The following RPL21 variants were observed in gnomAD, a reference collection of about 807,000 sequenced individuals.
The protein encoded by RPL21 is ribosomal protein L21, also known as large ribosomal subunit protein eL21.
In RPL21, 1 loss-of-function variant was observed where a neutral mutation model predicts 21.2. The observed-to-expected ratio is 0.05, with a 90% confidence interval of 0.02 to 0.22. RPL21 has a LOEUF of 0.22. Ranked by LOEUF, RPL21 falls within the 10% of genes least tolerant of loss-of-function variation. The pLI, the probability that RPL21 is intolerant of heterozygous loss-of-function variation, is 1.00. For missense variants in RPL21, 113 were observed against 199.4 expected, an observed-to-expected ratio of 0.57 and a Z score of 2.61; for synonymous variants, 52 against 62.9, an observed-to-expected ratio of 0.83 and a Z score of 0.82.
intron 3 of RPL21, 23 bp from the exon 4 acceptor site, chr13:27,255,219 T>A (rs780232683): frequency 1.1e-6 from 1 of 901,728 alleles, no homozygotes; most frequent in Non-Finnish European, 1.9e-6. Flanking sequence ...AATGCTGGTA[T>A]ATAACATTGG....
At chr13:27,253,242 C>T (rs1555248480) in intron 1 of RPL21, among the ~76,000 whole-genome samples, 1 of 152,198 alleles carries the variant, frequency 6.6e-6, no homozygotes, top group Non-Finnish European at 1.5e-5. Context: ...CTCTTCTACC[C>T]TATATACGTT....
chr13:27,254,391 G>GTTTTTTTTTT, intron 3 of RPL21, 110 bp downstream of exon 3: 1 of 164,422 alleles, frequency 6.1e-6, no homozygotes, highest in Non-Finnish European at 1.0e-5. Context: ...GTATAGAATG[G>GTTTTTTTTTT]ATTTTTTTTT....
At chr13:27,253,670 A>G in intron 1 of RPL21, 95 bp from the exon 2 acceptor site, 1 of 741,414 alleles carries the variant, frequency 1.3e-6, no homozygotes, top group South Asian at 1.4e-5. Context: ...TGCAGTTCTC[A>G]CTTCGCTACT....
At chr13:27,253,671 C>T in intron 1 of RPL21, 94 bp from the exon 2 acceptor site, 2 of 745,852 alleles carry the variant, frequency 2.7e-6, no homozygotes, top group Non-Finnish European at 4.9e-6. Context: ...GCAGTTCTCA[C>T]TTCGCTACTG....
chr13:27,256,037 A>G, intron 4 of RPL21, 147 bp from the exon 5 acceptor site: 1 of 678,450 alleles, frequency 1.5e-6, no homozygotes, highest in Non-Finnish European at 2.6e-6. Context: ...TTGATTGTAA[A>G]TTAAGTAATC....
chr13:27,253,933 C>T (rs1881765689), intron 2 of RPL21, 90 bp downstream of exon 2: 1 of 832,262 alleles, frequency 1.2e-6, no homozygotes, highest in Non-Finnish European at 2.1e-6. Flanking sequence ...GAATGTGTAT[C>T]AATAGAATTA....
At chr13:27,255,546 A>G (rs1161345317) in intron 4 of RPL21, 192 bp downstream of exon 4, 3 of 747,278 alleles carry the variant, frequency 4.0e-6, no homozygotes, top group South Asian at 1.4e-5. Context: ...TTTACTGGAA[A>G]GTCTTACACA....
At chr13:27,255,012 A>G in intron 3 of RPL21, 2 of 712,076 alleles carry the variant, frequency 2.8e-6, no homozygotes, top group South Asian at 2.8e-5. Context: ...AAACCCTCCT[A>G]GTGAAAGCTG....
chr13:27,255,954 A>T, intron 4 of RPL21: 1 of 508,902 alleles, frequency 2.0e-6, no homozygotes. Context: ...ACTAGAGTTT[A>T]AGAGACCATC....
At position 27,256,473 on chromosome 13, in the gene RPL21, A is replaced by G. The variant is rs371153089; in HGVS notation, c.431A>G (p.Asn144Ser). 116 of 1,571,798 alleles carry G rather than the reference A, an allele frequency of 7.4e-5. 1 individual carries two copies. Among genetic ancestry groups the G allele is most frequent in the South Asian group, 2.7e-4 (24 of 90,118 alleles). Reference sequence around the variant, plus strand: ...AGAGAAGCACACTTTGTGAGAACCAATGGGAAGGAGCCTGAGCTGCTGGAA... The same window carrying G: ...AGAGAAGCACACTTTGTGAGAACCAGTGGGAAGGAGCCTGAGCTGCTGGAA... Reference protein sequence around the residue: ...PPREAHFVRTNGKEPELLEPI... With the variant: ...PPREAHFVRTSGKEPELLEPI... The change falls in exon 6 of 6, where the codon AAT becomes AGT. Residue 144 changes from asparagine (N) to serine (S), a missense_variant. By Grantham distance (46) the Asn-to-Ser change is conservative. Transcript: ENST00000311549.
rs914943436 is a variant in RPL21, at chr13:27,255,269, C to T, written c.157C>T (p.Pro53Ser). 7 of 1,428,934 alleles carry T rather than the reference C, an allele frequency of 4.9e-6. No individual in the cohort carries two copies. The highest frequency in any genetic ancestry group is 6.9e-6 in the Non-Finnish European group (7 of 1,011,152). The allele number at this position is 1,428,934 out of a possible 1,614,324, so 88.5% of individuals were successfully genotyped here. Residue 53 changes from proline to serine, a missense_variant, in exon 4 of 6, where the codon CCC becomes TCC. Transcript: ENST00000311549. ...AATGGGTACTGTTCAAAAAGGAATG[C>T]CCCACAAGTGTTACCATGGCAAAAC... is the stretch of plus-strand genomic sequence containing the variant. ...KGMGTVQKGM[P>S]HKCYHGKTGR...
At position 27,255,310 on chromosome 13, in the gene RPL21, T is replaced by C; in HGVS notation, c.198T>C (p.Asn66=). The change falls in exon 4 of 6, where the codon AAT becomes AAC. Residue 66 remains asparagine, a synonymous_variant. Transcript: ENST00000311549. The part of the protein sequence containing the change: ...CYHGKTGRVY[N]VTQHAVGIVV... Reference sequence around the variant, plus strand: ...ATGGCAAAACTGGAAGAGTCTACAATGTTACCCAGCATGCTGTTGGCATTG... The same window carrying C: ...ATGGCAAAACTGGAAGAGTCTACAACGTTACCCAGCATGCTGTTGGCATTG... The C allele has an allele frequency of 6.7e-7, 1 of 1,486,252 alleles. No individual in the cohort carries two copies. The allele number at this position is 1,486,252 out of a possible 1,614,324, so 92.1% of individuals were successfully genotyped here. A position where few individuals can be genotyped will look rare whatever the true frequency, so the allele number is the denominator to read the frequency against.
At chr13:27,252,169 G>A (rs1200372879) in intron 1 of RPL21, among the ~76,000 whole-genome samples, 1 of 152,174 alleles carries the variant, frequency 6.6e-6, no homozygotes, top group Non-Finnish European at 1.5e-5. Flanking sequence ...ACTGCCCTTA[G>A]TTAATGCATA....
At chr13:27,255,570 C>T (rs751740283) in intron 4 of RPL21, 4 of 720,510 alleles carry the variant, frequency 5.6e-6, no homozygotes, top group Admixed American at 1.7e-5. Context: ...AGTTACTAAG[C>T]GGTTTGTTTG....
rs1451596509 is a variant in RPL21, at chr13:27,255,322, T to C, written c.210T>C (p.His70=). The change falls in exon 4 of 6, where the codon CAT becomes CAC. Residue 70 remains histidine, a synonymous_variant. Coordinates refer to ENST00000311549, the MANE Select transcript of RPL21 (RefSeq NM_000982.4). Reference sequence around the variant, plus strand: ...GAAGAGTCTACAATGTTACCCAGCATGCTGTTGGCATTGTTGTAAACAAAC... The same window carrying C: ...GAAGAGTCTACAATGTTACCCAGCACGCTGTTGGCATTGTTGTAAACAAAC... ...KTGRVYNVTQ[H]AVGIVVNKQV... 3.5e-6 allele frequency: 5 copies of C among 1,440,308 alleles called. No homozygotes were observed. The highest frequency in any genetic ancestry group is 4.9e-6 in the Non-Finnish European group (5 of 1,021,498). 89.2% of individuals were successfully genotyped at this position (1,440,308 alleles called of 1,614,324 possible).
At chr13:27,253,569 T>C in intron 1 of RPL21, 196 bp from the exon 2 acceptor site, 1 of 525,934 alleles carries the variant, frequency 1.9e-6, no homozygotes, top group Non-Finnish European at 3.5e-6. Flanking sequence ...TTATAGAACT[T>C]GGGCAGTTTT....
intron 3 of RPL21, chr13:27,254,527 T>C: frequency 2.0e-6 from 1 of 495,046 alleles, no homozygotes; most frequent in East Asian, 3.6e-5. Flanking sequence ...CCCAAATAGC[T>C]GGGATTACAG....
rs1043840048 is a variant in RPL21, at chr13:27,256,180, C to T, written c.243-4C>T. 15 of 1,588,668 alleles carry T rather than the reference C, an allele frequency of 9.4e-6. No homozygotes were observed. The highest frequency in any genetic ancestry group is 1.3e-5 in the Non-Finnish European group (15 of 1,164,966). On this transcript the variant is annotated splice_region_variant and splice_polypyrimidine_tract_variant and intron_variant, in intron 4 of 5. Coordinates refer to ENST00000311549, the MANE Select transcript of RPL21 (RefSeq NM_000982.4). ...GCACTTAAAAGAATTTCTGCTCTGT[C>T]CAGGGGCAAGATTCTTGCCAAGAGA...
At chr13:27,256,406 A>G (rs1407815813) in intron 5 of RPL21, 30 bp from the exon 6 acceptor site, 1 of 1,567,444 alleles carries the variant, frequency 6.4e-7, no homozygotes, top group African/African-American at 1.4e-5. Context: ...TCACATAATT[A>G]TTTTATTCCC....
Sources: gnomAD v4.1 joint callset for allele counts (sites outside exome capture counted in the v4.1 genomes callset) on GRCh38, gnomAD v4.1.1 for gene constraint, MANE v1.5 for transcripts, NCBI Gene and HGNC (gene_info 2026-07-23, HGNC 2026-07-21) for gene names.